NLRP7: variants seen among roughly 807,000 people sequenced by gnomAD.
NLRP7 encodes the protein NACHT, LRR and PYD domains-containing protein 7.
Under a neutral mutation model 85.5 loss-of-function variants are expected in NLRP7, and 72 were observed. The ratio of observed to expected loss-of-function variants is 0.84; its 90% confidence interval spans 0.70 to 1.02. The LOEUF is 1.02. Among genes scored for constraint, NLRP7 ranks in the 50% least tolerant of loss-of-function variants. NLRP7 has a pLI of 0.00. For synonymous variants in NLRP7, 550 were observed against 505.2 expected (o/e 1.09, Z -1.19); for missense variants, 1,243 against 1,219.5 (o/e 1.02, Z -0.29).
At chr19:54,939,244 G>A (rs1327980893) in exon 4 of NLRP7, 18 of 1,614,224 alleles carry the variant, frequency 1.1e-5, no homozygotes, top group Middle Eastern at 1.6e-4. Flanking sequence ...TCTCGTTAGC[G>A]AGGCCGAATA....
upstream of NLRP7, among the ~76,000 whole-genome samples, chr19:54,948,353 C>T (rs564805803): frequency 5.9e-5 from 9 of 152,204 alleles, no homozygotes; most frequent in South Asian, 1.7e-3. Flanking sequence ...CATTGCACTC[C>T]AGCCTGGGTG....
chr19:54,952,133 G>A (rs759000084), upstream of NLRP7, among the ~76,000 whole-genome samples: 4 of 152,072 alleles, frequency 2.6e-5, no homozygotes, highest in African/African-American at 4.8e-5. Context: ...TTTAAGGATG[G>A]TTTCAGATGT....
rs758296123 is a variant in NLRP7 at position 54,939,279 on chromosome 19, C to T, written c.1540G>A (p.Asp514Asn). 5.0e-6 allele frequency: 8 copies of T among 1,613,986 alleles called. No individual in the cohort carries two copies. The African/African-American group carries it at 5.3e-5, about 11-fold the overall frequency. Residue 514 changes from aspartate (D) to asparagine (N), a missense_variant, in exon 4 of 10, where the codon GAC (aspartate) becomes AAC (asparagine). Asp to Asn is a conservative substitution (Grantham distance 23). Coordinates refer to ENST00000340844, the Ensembl canonical transcript of NLRP7. ...AAGAAGTGTCCTACTTGAATCAGGT[C>T]GGGGTTCTTGAGTCTTTCTTCTCCG... is the stretch of plus-strand genomic sequence containing the variant.
exon 4 of NLRP7, chr19:54,940,212 T>A (rs376383771): frequency 1.9e-6 from 3 of 1,614,156 alleles, no homozygotes; most frequent in Admixed American, 3.3e-5. Context: ...TATCTGAGCG[T>A]CGGGCTGAGG....
intron 4 of NLRP7, among the ~76,000 whole-genome samples, 177 bp downstream of exon 4, chr19:54,938,711 G>A (rs987444888): frequency 1.3e-5 from 2 of 152,236 alleles, no homozygotes; most frequent in Admixed American, 6.5e-5. Flanking sequence ...GGGGGACAGA[G>A]CGAGACTCCG....
At chr19:54,944,966 A>G (rs78966590) in intron 1 of NLRP7, among the ~76,000 whole-genome samples, 2 of 151,824 alleles carry the variant, frequency 1.3e-5, no homozygotes, top group Non-Finnish European at 2.9e-5. Flanking sequence ...TTGGCCAGGC[A>G]CGGTGGCTCA....
chr19:54,955,757 A>G (rs891779228), intron 1 of NLRP7, among the ~76,000 whole-genome samples: 5 of 152,172 alleles, frequency 3.3e-5, no homozygotes, highest in East Asian at 1.9e-4. Context: ...ACTGCACTTC[A>G]GCCTGGGCGA....
exon 4 of NLRP7, chr19:54,939,313 C>T (rs1475376927): frequency 6.2e-7 from 1 of 1,614,140 alleles, no homozygotes. Context: ...CGGAAAGCAG[C>T]TTCTGTACGT....
At chr19:54,932,595 T>C (rs1277523930) in intron 8 of NLRP7, among the ~76,000 whole-genome samples, 1 of 152,148 alleles carries the variant, frequency 6.6e-6, no homozygotes, top group Non-Finnish European at 1.5e-5. Context: ...CCAACTATAG[T>C]TCGTGGGTCA....
At chr19:54,929,735 T>C (rs2068592935) in intron 9 of NLRP7, among the ~76,000 whole-genome samples, 1 of 152,132 alleles carries the variant, frequency 6.6e-6, no homozygotes, top group Non-Finnish European at 1.5e-5. Flanking sequence ...TACCTGACTT[T>C]AGAAGTGCCC....
At chr19:54,942,253 CTCAAA>C (rs1321409007) in intron 1 of NLRP7, among the ~76,000 whole-genome samples, 4 of 55,130 alleles carry the variant, frequency 7.3e-5, no homozygotes, top group Non-Finnish European at 1.3e-4. Flanking sequence ...GAGACTCCGT[CTCAAA>C]AAAAAAAAAA....
intron 1 of NLRP7, among the ~76,000 whole-genome samples, chr19:54,953,819 G>A (rs1051915912): frequency 2.7e-5 from 4 of 150,592 alleles, no homozygotes; most frequent in African/African-American, 7.3e-5. Flanking sequence ...TGGCTAACAC[G>A]GTGAAACCAT....
At chr19:54,940,151 A>T in exon 4 of NLRP7, 1 of 1,614,208 alleles carries the variant, frequency 6.2e-7, no homozygotes, top group Non-Finnish European at 8.5e-7. Context: ...CAGCTCTGCA[A>T]AACTGCAGGG....
chr19:54,940,731 G>A (rs1390722147), intron 3 of NLRP7, among the ~76,000 whole-genome samples, 200 bp downstream of exon 3: 6 of 151,920 alleles, frequency 3.9e-5, no homozygotes, highest in Admixed American at 3.9e-4. Flanking sequence ...AGGAGGCTGA[G>A]GCAGAGAATT....
intron 9 of NLRP7, among the ~76,000 whole-genome samples, chr19:54,925,474 T>C (rs551172645): frequency 9.2e-5 from 14 of 152,172 alleles, no homozygotes; most frequent in Non-Finnish European, 1.8e-4. Context: ...TGAAGCAGTT[T>C]ACATGCGTAT....
chr19:54,955,039 C>T (rs899313858), intron 1 of NLRP7, among the ~76,000 whole-genome samples: 7 of 151,802 alleles, frequency 4.6e-5, no homozygotes, highest in Admixed American at 2.6e-4. Context: ...TAAAAAATAT[C>T]ATTGGTGGCC....
chr19:54,962,783 T>G (rs1358848455), intron 1 of NLRP7, among the ~76,000 whole-genome samples: 2 of 149,904 alleles, frequency 1.3e-5, no homozygotes, highest in African/African-American at 4.9e-5. Flanking sequence ...GTATTTTTAG[T>G]AGAGACGGGG....
chr19:54,931,501 G>A (rs890062163), intron 8 of NLRP7, among the ~76,000 whole-genome samples: 8 of 152,088 alleles, frequency 5.3e-5, no homozygotes, highest in African/African-American at 1.9e-4. Context: ...ACCAGCCTAA[G>A]CAATATGGAG....
intron 6 of NLRP7, among the ~76,000 whole-genome samples, chr19:54,935,816 G>A (rs577879461): frequency 6.6e-6 from 1 of 152,112 alleles, no homozygotes; most frequent in Non-Finnish European, 1.5e-5. Flanking sequence ...AAAGTGCGAG[G>A]ATCATGCACT....
Sources: allele counts gnomAD v4.1 joint callset (sites outside exome capture counted in the v4.1 genomes callset), GRCh38; gene constraint gnomAD v4.1.1; transcripts MANE v1.5; gene names NCBI Gene and HGNC (gene_info 2026-07-23, HGNC 2026-07-21).